Variants in XIAP observed in about 807,000 individuals in gnomAD.
The protein encoded by XIAP is X-linked inhibitor of apoptosis.
In XIAP, 3 loss-of-function variants were observed where a neutral mutation model predicts 33.1. The observed-to-expected ratio is 0.09, with a 90% CI of 0.04 to 0.23. XIAP has a LOEUF of 0.23. Among genes scored for constraint, XIAP ranks in the 10% least tolerant of loss-of-function variants. The pLI is 1.00. For missense variants in XIAP, 264 were observed against 363.0 expected, an observed-to-expected ratio of 0.73 and a Z score of 2.22; for synonymous variants, 98 against 121.3, an observed-to-expected ratio of 0.81 and a Z score of 1.26.
At chrX:123,868,412 T>C (rs2053163976) in intron 1 of XIAP, among the ~76,000 whole-genome samples, 1 of 111,121 alleles carries the variant, frequency 9.0e-6, no homozygotes, top group Admixed American at 9.7e-5. Context: ...TTATCTGAGA[T>C]TTTGTCAAGG....
chrX:123,899,251 ATG>A (rs1365465512), intron 5 of XIAP, among the ~76,000 whole-genome samples: 9 of 92,216 alleles, frequency 9.8e-5, no homozygotes, highest in African/African-American at 3.6e-4. Flanking sequence ...GTATATATAT[ATG>A]ATTTTGTATA....
chrX:123,883,791 C>T (rs947507307), intron 1 of XIAP, among the ~76,000 whole-genome samples: 1 of 111,201 alleles, frequency 9.0e-6, no homozygotes, highest in South Asian at 3.7e-4. Context: ...CCACCATGCC[C>T]GGCTGTTTTT....
intron 5 of XIAP, among the ~76,000 whole-genome samples, chrX:123,895,762 AC>A (rs2053454030): frequency 9.7e-6 from 1 of 103,016 alleles, no homozygotes; most frequent in Non-Finnish European, 2.0e-5. Context: ...ATCTCCTTTG[AC>A]TTTTTTTTTT....
chrX:123,885,519 G>A (rs190700824), intron 1 of XIAP, 112 bp from the exon 2 acceptor site: 175 of 554,099 alleles, frequency 3.2e-4, no homozygotes, highest in African/African-American at 5.5e-4. Context: ...GTTTCTTAGC[G>A]GTCGTGTAGT....
chrX:123,868,436 A>G (rs749350212), intron 1 of XIAP, among the ~76,000 whole-genome samples: 1 of 110,665 alleles, frequency 9.0e-6, no homozygotes. Context: ...AAAATTCCAC[A>G]TAACAATCCC....
intron 2 of XIAP, among the ~76,000 whole-genome samples, chrX:123,886,794 A>G (rs753553114): frequency 3.6e-5 from 4 of 111,829 alleles, no homozygotes; most frequent in East Asian, 5.6e-4. Flanking sequence ...GATAACTTGC[A>G]AAAGATGGTA....
chrX:123,864,840 C>A (rs1274652399), intron 1 of XIAP, among the ~76,000 whole-genome samples: 2 of 71,879 alleles, frequency 2.8e-5, no homozygotes, highest in African/African-American at 5.1e-5. Context: ...AGGGTTTCAC[C>A]GTGTGTGTGT....
At chrX:123,859,857 G>A, upstream of XIAP, 1 of 250,446 alleles carries the variant, frequency 4.0e-6, no homozygotes, top group South Asian at 3.8e-5. Flanking sequence ...GGACCTTGGC[G>A]GCGCCCGGAG....
At chrX:123,880,416 A>T (rs1482773173) in intron 1 of XIAP, among the ~76,000 whole-genome samples, 1 of 94,824 alleles carries the variant, frequency 1.1e-5, no homozygotes, top group Non-Finnish European at 2.1e-5. Flanking sequence ...TGTCTCAAAA[A>T]AAAAAAAGAA....
rs55979065 is a variant in XIAP, at chrX:123,896,927, A to AT, written c.1100-3545dup. 6.1e-3 allele frequency among the ~76,000 whole-genome samples: 460 copies of AT among 75,255 alleles called. 4 individuals carry two copies. Among genetic ancestry groups the AT allele is most frequent in the African/African-American group, 0.012 (245 of 19,703 alleles). The allele number at this position is 75,255 out of a possible 115,157, so 65.3% of individuals were successfully genotyped here. A position where few individuals can be genotyped will look rare whatever the true frequency, so the allele number is the denominator to read the frequency against. On this transcript the variant is annotated intron_variant, in intron 5 of 6. Coordinates refer to ENST00000371199, the MANE Select transcript of XIAP (RefSeq NM_001167.4). ...GTTCTTCGAAGCATAAACGTCTTTAATTTTTTTTTTTTTTTTTTTTTGAGA... is the reference window on the plus strand; with the variant it reads ...GTTCTTCGAAGCATAAACGTCTTTAATTTTTTTTTTTTTTTTTTTTTTGAGA...
Position 123,910,548 on chromosome X carries a change from G to A in XIAP, c.*3367G>A. 2 of 329,268 alleles carry A rather than the reference G, an allele frequency of 6.1e-6. No homozygotes were observed. Among genetic ancestry groups the A allele is most frequent in the South Asian group, 5.2e-5 (2 of 38,497 alleles). The allele number at this position is 329,268 out of a possible 1,213,427, so 27.1% of individuals were successfully genotyped here. A position where few individuals can be genotyped will look rare whatever the true frequency, so the allele number is the denominator to read the frequency against. ...ATATCAGTAGGATATACTATGGGAT[G>A]TATATATATCATTGCTGTTAGAGAA... On this transcript the variant is annotated 3_prime_UTR_variant, in exon 7 of 7. Transcript: ENST00000371199.
chrX:123,869,384 A>G (rs894053585), intron 1 of XIAP, among the ~76,000 whole-genome samples: 1 of 96,575 alleles, frequency 1.0e-5, no homozygotes, highest in Non-Finnish European at 2.1e-5. Context: ...AAAAAAAAAA[A>G]GCTGGGTCAT....
Position 123,900,099 on chromosome X carries a change from A to G in XIAP, c.1100-394A>G, listed in dbSNP as rs143922669. 2.4e-3 allele frequency among the ~76,000 whole-genome samples: 264 copies of G among 112,333 alleles called. 2 individuals carry two copies. The highest frequency in any genetic ancestry group is 8.1e-3 in the African/African-American group (252 of 30,976). On this transcript the variant is annotated intron_variant, in intron 5 of 6. Coordinates refer to ENST00000371199, the MANE Select transcript of XIAP (RefSeq NM_001167.4). ...TAGACTGGGACTTCCCTGATTTCCC[A>G]TCATTTTCCCCAAATAATTGCTAGT... is the stretch of plus-strand genomic sequence containing the variant.
At chrX:123,879,317 T>A (rs77666688) in intron 1 of XIAP, 31,772 of 90,235 alleles carry the variant, frequency 0.35, 4,901 homozygotes, top group African/African-American at 0.43. Context: ...CAGAAAGAGT[T>A]TTTTTTTTTT....
At chrX:123,883,486 CTTTTCTTTTCT>C (rs1238067218) in intron 1 of XIAP, among the ~76,000 whole-genome samples, 1 of 82,735 alleles carries the variant, frequency 1.2e-5, no homozygotes, top group African/African-American at 4.7e-5. Context: ...TTTTTCTTTT[CTTTTCTTTTCT>C]TTTTTTTTTT....
Position 123,891,327 on chromosome X carries a change from T to C in XIAP, c.1056+11T>C. Reference sequence around the variant, plus strand: ...CTTGAGGAGTGTCTGGTAAGTCTCATATAATTTATATTTTCAAATTCACAT... The same window carrying C: ...CTTGAGGAGTGTCTGGTAAGTCTCACATAATTTATATTTTCAAATTCACAT... On this transcript the variant is annotated intron_variant, in intron 4 of 6. Coordinates refer to ENST00000371199, the MANE Select transcript of XIAP (RefSeq NM_001167.4). 2.3e-6 allele frequency: 2 copies of C among 864,188 alleles called. No individual in the cohort carries two copies. The highest frequency in any genetic ancestry group is 3.3e-6 in the Non-Finnish European group (2 of 603,465). The allele number at this position is 864,188 out of a possible 1,213,427, so 71.2% of individuals were successfully genotyped here.
intron 1 of XIAP, among the ~76,000 whole-genome samples, chrX:123,867,535 G>A (rs1293417915): frequency 4.6e-5 from 5 of 108,127 alleles, no homozygotes; most frequent in African/African-American, 6.8e-5. Context: ...TACCACGCCC[G>A]GCTAATTTTT....
In XIAP at chrX:123,907,873, C is replaced by T. The variant is rs1569479927; in HGVS notation, c.*692C>T. On this transcript the variant is annotated 3_prime_UTR_variant, in exon 7 of 7. Transcript: ENST00000371199. ...ACACTATGTATAGTCTGAGCCAGAT[C>T]AAAGTATGTATGTTTTTAATATGCA... 3.0e-6 allele frequency: 1 copy of T among 335,379 alleles called. No individual in the cohort carries two copies. The highest frequency in any genetic ancestry group is 7.6e-5 in the East Asian group (1 of 13,185). 27.6% of individuals were successfully genotyped at this position (335,379 alleles called of 1,213,427 possible).
intron 1 of XIAP, among the ~76,000 whole-genome samples, 185 bp from the exon 2 acceptor site, chrX:123,885,446 T>G (rs2053342769): frequency 8.9e-6 from 1 of 112,399 alleles, no homozygotes; most frequent in African/African-American, 3.2e-5. Flanking sequence ...ACAAAAATGC[T>G]AGATTTTACT....
Sources: gnomAD v4.1 joint callset for allele counts (sites outside exome capture counted in the v4.1 genomes callset) on GRCh38, gnomAD v4.1.1 for gene constraint, MANE v1.5 for transcripts, NCBI Gene and HGNC (gene_info 2026-07-23, HGNC 2026-07-21) for gene names.